BIRC6: variants seen among roughly 807,000 people sequenced by gnomAD.
BIRC6 encodes the protein dual E2 ubiquitin-conjugating enzyme/E3 ubiquitin-protein ligase BIRC6.
A neutral mutation model predicts 503.3 loss-of-function variants in BIRC6; 98 were observed. The ratio of observed to expected loss-of-function variants is 0.19; its 90% confidence interval spans 0.17 to 0.23. BIRC6 has a LOEUF of 0.23. BIRC6 is among the 10% of genes least tolerant of loss of function. The probability of loss-of-function intolerance (pLI) is 1.00; values close to 1 mark genes in which losing one functional copy is unlikely to be tolerated. For missense variants in BIRC6, 5,360 were observed against 5,806.0 expected (o/e 0.92, Z 2.50); for synonymous variants, 2,240 against 2,078.7 (o/e 1.08, Z -2.11).
Position 32,477,210 on chromosome 2 carries a change from G to A in BIRC6, c.6853-158G>A, listed in dbSNP as rs191301706. 2.5e-3 allele frequency among the ~76,000 whole-genome samples: 374 copies of A among 152,186 alleles called. 6 individuals carry two copies. Among genetic ancestry groups the A allele is most frequent in the African/African-American group, 8.8e-3 (366 of 41,544 alleles). On this transcript the variant is annotated intron_variant, in intron 34 of 73. Coordinates refer to ENST00000421745, the MANE Select transcript of BIRC6 (RefSeq NM_016252.4). ...GAAGTAAGGTATATTGGTCAGTTTAGCTTTTAATATTCTTACTTTTGAAAC... is the reference window on the plus strand; with the variant it reads ...GAAGTAAGGTATATTGGTCAGTTTAACTTTTAATATTCTTACTTTTGAAAC...
At chr2:32,462,492 A>T (rs2048101666) in intron 23 of BIRC6, among the ~76,000 whole-genome samples, 1 of 152,134 alleles carries the variant, frequency 6.6e-6, no homozygotes, top group African/African-American at 2.4e-5. Flanking sequence ...TGTGTGTGGG[A>T]TATGCCTCTC....
In BIRC6 at chr2:32,388,895, C is replaced by A; in HGVS notation, c.791C>A (p.Pro264His). The change falls in exon 4 of 74, where the codon CCT becomes CAT. Residue 264 changes from proline (P) to histidine (H), a missense_variant. Around this residue, in one of 16 missense-constraint regions of BIRC6, gnomAD observed 134 missense variants for 150.9 expected, o/e 0.89. Coordinates refer to ENST00000421745, the MANE Select transcript of BIRC6 (RefSeq NM_016252.4). Reference protein sequence around the residue: ...SVMDRLSYLLPSARPELGVGP... With the variant: ...SVMDRLSYLLHSARPELGVGP... ...ATGGACAGATTGTCTTACCTCTTAC[C>A]TAGTGCACGTCCAGAACTCGGAGTG... 1 of 1,610,010 alleles carries A rather than the reference C, an allele frequency of 6.2e-7. No individual in the cohort carries two copies. The highest frequency in any genetic ancestry group is 8.5e-7 in the Non-Finnish European group (1 of 1,178,632).
chr2:32,507,730 T>C (rs538379395), intron 50 of BIRC6, among the ~76,000 whole-genome samples: 1 of 152,286 alleles, frequency 6.6e-6, no homozygotes, highest in South Asian at 2.1e-4. Context: ...TTGGTTCCTC[T>C]TTTTTTAGGT....
At chr2:32,462,361 A>G (rs778539020) in intron 23 of BIRC6, among the ~76,000 whole-genome samples, 2 of 152,236 alleles carry the variant, frequency 1.3e-5, no homozygotes, top group African/African-American at 2.4e-5. Flanking sequence ...ATGCAGAAAG[A>G]ATTATTTATA....
intron 19 of BIRC6, among the ~76,000 whole-genome samples, chr2:32,442,945 T>C (rs1434237573): frequency 1.3e-5 from 2 of 152,176 alleles, no homozygotes; most frequent in Non-Finnish European, 2.9e-5. Context: ...CTGTAGCTAG[T>C]ACTGAGCCAT....
At chr2:32,448,974 G>C (rs772814365) in intron 22 of BIRC6, 46 bp downstream of exon 22, 3 of 1,559,436 alleles carry the variant, frequency 1.9e-6, no homozygotes, top group Non-Finnish European at 2.6e-6. Flanking sequence ...TTGTATCTTG[G>C]ATTTAAGTTG....
At position 32,617,761 on chromosome 2, in the gene BIRC6, C is replaced by G. The variant is rs1402032302; in HGVS notation, c.14431C>G (p.Leu4811Val). 3.7e-6 allele frequency: 6 copies of G among 1,613,910 alleles called. No individual in the cohort carries two copies. Among genetic ancestry groups the G allele is most frequent in the Non-Finnish European group, 4.2e-6 (5 of 1,179,902 alleles). ...TAQLREELLK[L>V]PCPEGLDPDT... Reference sequence around the variant, plus strand: ...TCAGCTCCGCGAAGAGTTGCTGAAACTTCCCTGCCCTGAAGGCTTGGATCC... The same window carrying G: ...TCAGCTCCGCGAAGAGTTGCTGAAAGTTCCCTGCCCTGAAGGCTTGGATCC... The change falls in exon 74 of 74, where the codon CTT becomes GTT. Residue 4811 changes from leucine to valine, a missense_variant. This residue lies in a region of BIRC6 where 140 missense variants were observed against 130.2 expected (regional missense o/e 1.07). Transcript: ENST00000421745.
chr2:32,441,852 A>G (rs893581398), intron 17 of BIRC6, among the ~76,000 whole-genome samples: 2 of 152,228 alleles, frequency 1.3e-5, no homozygotes, highest in African/African-American at 4.8e-5. Flanking sequence ...AAAAGAAATT[A>G]TACACATTCC....
Position 32,377,651 on chromosome 2 carries a change from A to G in BIRC6, c.389A>G (p.Asp130Gly), listed in dbSNP as rs1404337469. The G allele has an allele frequency of 1.9e-6, 3 of 1,613,324 alleles. No individual in the cohort carries two copies. The South Asian group carries it at 3.3e-5, about 18-fold the overall frequency. ...ISAVDKVIFV[D>G]DYAVGCRKDL... Reference sequence around the variant, plus strand: ...GCTGTGGATAAAGTTATATTTGTGGATGATTATGCAGTAGGGTGTAGGAAG... The same window carrying G: ...GCTGTGGATAAAGTTATATTTGTGGGTGATTATGCAGTAGGGTGTAGGAAG... Residue 130 changes from aspartate (D) to glycine (G), a missense_variant, in exon 2 of 74, where the codon GAT becomes GGT. Asp to Gly is a moderately conservative substitution (Grantham distance 94). Transcript: ENST00000421745.
chr2:32,480,358 T>C (rs1195035972), intron 37 of BIRC6, among the ~76,000 whole-genome samples: 1 of 152,178 alleles, frequency 6.6e-6, no homozygotes, highest in Non-Finnish European at 1.5e-5. Context: ...GTTTTAATTA[T>C]AGTGCACCCC....
chr2:32,411,824 C>T (rs2041921303), intron 9 of BIRC6, among the ~76,000 whole-genome samples: 1 of 152,022 alleles, frequency 6.6e-6, no homozygotes, highest in African/African-American at 2.4e-5. Flanking sequence ...GATGTTGCTG[C>T]CTGACTGAAA....
chr2:32,608,619 G>A (rs2062637388), intron 72 of BIRC6, among the ~76,000 whole-genome samples: 1 of 152,016 alleles, frequency 6.6e-6, no homozygotes, highest in Non-Finnish European at 1.5e-5. Flanking sequence ...GTTTCACCAT[G>A]TTGGCCAGGC....
intron 65 of BIRC6, among the ~76,000 whole-genome samples, chr2:32,566,811 T>G (rs2059564628): frequency 6.6e-6 from 1 of 152,238 alleles, no homozygotes; most frequent in Non-Finnish European, 1.5e-5. Flanking sequence ...GTGCAGTTTC[T>G]CTATTTTACA....
intron 47 of BIRC6, among the ~76,000 whole-genome samples, chr2:32,502,091 T>C (rs1324536423): frequency 6.6e-6 from 1 of 152,194 alleles, no homozygotes; most frequent in African/African-American, 2.4e-5. Context: ...ACCACAGTGA[T>C]ATAAGAGTAA....
chr2:32,488,655 A>G lies in BIRC6; in HGVS notation c.8036A>G (p.Asn2679Ser). 2.0e-6 allele frequency: 3 copies of G among 1,504,234 alleles called. No individual in the cohort carries two copies. Among genetic ancestry groups the G allele is most frequent in the Non-Finnish European group, 2.7e-6 (3 of 1,107,484 alleles). The allele number at this position is 1,504,234 out of a possible 1,614,324, so 93.2% of individuals were successfully genotyped here. The change falls in exon 42 of 74, where the codon AAT becomes AGT. Residue 2679 changes from asparagine (N) to serine (S), a missense_variant. Asn to Ser is a conservative substitution (Grantham distance 46). Transcript: ENST00000421745. ...LNSSSTGNKE[N>S]GADIFLYNAN... ...TCTAGTTCAACTGGAAACAAAGAAA[A>G]TGGAGCAGACATATTTTTATATAAT...
chr2:32,508,273 GTCCTTTTT>G lies in BIRC6; in HGVS notation c.9980+16_9980+23del. The G allele has an allele frequency of 1.9e-6, 1 of 531,188 alleles. No homozygotes were observed. Among genetic ancestry groups the G allele is most frequent in the South Asian group, 6.0e-5 (1 of 16,704 alleles). 32.9% of individuals were successfully genotyped at this position (531,188 alleles called of 1,614,324 possible). Reference sequence around the variant, plus strand: ...ATCCAAAACAAGGTATGTTTTGTTTGTCCTTTTTTTTTTTTTTTTTTTTTTTTTTTGGC... The same window carrying G: ...ATCCAAAACAAGGTATGTTTTGTTTGTTTTTTTTTTTTTTTTTTTTTTGGC... On this transcript the variant is annotated intron_variant, in intron 51 of 73. Transcript: ENST00000421745.
At chr2:32,554,778 GTTTC>G (rs1487062877) in intron 65 of BIRC6, among the ~76,000 whole-genome samples, 1 of 151,536 alleles carries the variant, frequency 6.6e-6, no homozygotes, top group African/African-American at 2.4e-5. Flanking sequence ...CTTTGGATAT[GTTTC>G]TTTAAGAGTA....
chr2:32,506,886 G>A (rs1040498051), intron 50 of BIRC6, among the ~76,000 whole-genome samples: 2 of 152,042 alleles, frequency 1.3e-5, no homozygotes, highest in Non-Finnish European at 2.9e-5. Flanking sequence ...TCCTCAAAAG[G>A]TTTTGAAGTA....
chr2:32,607,865 A>G (rs2062573210), intron 72 of BIRC6, among the ~76,000 whole-genome samples: 1 of 149,012 alleles, frequency 6.7e-6, no homozygotes, highest in Non-Finnish European at 1.5e-5. Flanking sequence ...GGCGCCTGTA[A>G]TCTCAGCTAC....
Sources: gnomAD v4.1 joint callset for allele counts (sites outside exome capture counted in the v4.1 genomes callset) on GRCh38, gnomAD v4.1.1 for gene constraint, gnomAD v4.1.1 regional missense constraint, MANE v1.5 for transcripts, NCBI Gene and HGNC (gene_info 2026-07-23, HGNC 2026-07-21) for gene names.